Variants in PBX3 observed in about 807,000 individuals in gnomAD.
PBX3 encodes pre-B-cell leukemia transcription factor 3.
PBX3 carries 14 observed loss-of-function variants against 48.5 expected under a neutral mutation model. The ratio of observed to expected loss-of-function variants is 0.29; its 90% CI spans 0.19 to 0.45. The LOEUF (loss-of-function observed/expected upper bound fraction) is 0.45. PBX3 is among the 20% of genes least tolerant of loss of function. The pLI, the probability that PBX3 is intolerant of heterozygous loss-of-function variation, is 1.00. For missense variants in PBX3, 386 were observed against 546.7 expected (o/e 0.71, Z 2.93); for synonymous variants, 210 against 200.3 (o/e 1.05, Z -0.41).
chr9:125,877,296 A>T (rs945662352), intron 2 of PBX3, among the ~76,000 whole-genome samples: 5 of 152,246 alleles, frequency 3.3e-5, no homozygotes. Context: ...GTCTTTTCTC[A>T]TCATAAAATA....
At chr9:125,870,153 C>G (rs554120862) in intron 2 of PBX3, among the ~76,000 whole-genome samples, 2 of 150,906 alleles carry the variant, frequency 1.3e-5, no homozygotes, top group Admixed American at 6.6e-5. Context: ...CCTGCAACCT[C>G]TGTCTCATGG....
intron 2 of PBX3, among the ~76,000 whole-genome samples, chr9:125,864,649 C>G (rs944810668): frequency 6.6e-6 from 1 of 152,128 alleles, no homozygotes; most frequent in Non-Finnish European, 1.5e-5. Flanking sequence ...ATGCACAGAT[C>G]ACAATAGGGT....
chr9:125,847,679 C>A (rs1307799875), intron 2 of PBX3, among the ~76,000 whole-genome samples: 1 of 149,744 alleles, frequency 6.7e-6, no homozygotes, highest in African/African-American at 2.5e-5. Flanking sequence ...TTTCTTTATC[C>A]TTTTCTTTAT....
At chr9:125,833,523 A>T (rs1312807422) in intron 2 of PBX3, among the ~76,000 whole-genome samples, 1 of 152,102 alleles carries the variant, frequency 6.6e-6, no homozygotes. Context: ...CTGAATCCTT[A>T]TAATACCACC....
intron 2 of PBX3, among the ~76,000 whole-genome samples, chr9:125,799,019 A>G (rs1588156807): frequency 6.6e-6 from 1 of 152,180 alleles, no homozygotes; most frequent in Non-Finnish European, 1.5e-5. Context: ...TTGGGTATAT[A>G]TACATTTAGC....
intron 3 of PBX3, among the ~76,000 whole-genome samples, chr9:125,918,071 A>G (rs1050181137): frequency 2.0e-5 from 3 of 152,158 alleles, no homozygotes; most frequent in Admixed American, 6.5e-5. Context: ...TAAAATAACT[A>G]TAACTACTTA....
intron 4 of PBX3, among the ~76,000 whole-genome samples, chr9:125,934,802 C>T (rs1665608637): frequency 6.6e-6 from 1 of 152,050 alleles, no homozygotes; most frequent in Non-Finnish European, 1.5e-5. Context: ...GATCTTGAGT[C>T]TTGTTTTCAT....
chr9:125,918,674 A>G (rs752562607), intron 3 of PBX3, among the ~76,000 whole-genome samples: 24 of 152,202 alleles, frequency 1.6e-4, no homozygotes, highest in Admixed American at 3.9e-4. Flanking sequence ...GATTCAGCAG[A>G]ATTTTAATTT....
intron 2 of PBX3, among the ~76,000 whole-genome samples, chr9:125,754,637 T>C (rs1266251121): frequency 6.6e-6 from 1 of 152,134 alleles, no homozygotes; most frequent in Non-Finnish European, 1.5e-5. Flanking sequence ...CACTTGATTC[T>C]AATTATCCCT....
At chr9:125,814,905 G>A (rs577862963) in intron 2 of PBX3, among the ~76,000 whole-genome samples, 2 of 152,292 alleles carry the variant, frequency 1.3e-5, no homozygotes, top group African/African-American at 4.8e-5. Context: ...GGAATTTGAG[G>A]TTGAAAACAC....
intron 2 of PBX3, among the ~76,000 whole-genome samples, chr9:125,819,373 A>T (rs554547001): frequency 1.3e-5 from 2 of 151,736 alleles, no homozygotes; most frequent in Non-Finnish European, 2.9e-5. Context: ...CTAAAAATAC[A>T]AAATTAGCTG....
chr9:125,757,888 T>G (rs889962330), intron 2 of PBX3, among the ~76,000 whole-genome samples: 2 of 152,224 alleles, frequency 1.3e-5, no homozygotes, highest in African/African-American at 2.4e-5. Flanking sequence ...TCACTTGTTA[T>G]TCAAATAAGT....
chr9:125,872,682 C>T (rs1480888559), intron 2 of PBX3, among the ~76,000 whole-genome samples: 1 of 151,424 alleles, frequency 6.6e-6, no homozygotes, highest in Non-Finnish European at 1.5e-5. Context: ...ATCGCTTGAG[C>T]CCAGGAATTT....
At chr9:125,838,820 G>A (rs1161123637) in intron 2 of PBX3, among the ~76,000 whole-genome samples, 1 of 152,202 alleles carries the variant, frequency 6.6e-6, no homozygotes, top group Non-Finnish European at 1.5e-5. Flanking sequence ...GAAATGTATG[G>A]CACTAATCTG....
At chr9:125,748,649 C>A in intron 2 of PBX3, 26 bp downstream of exon 2, 1 of 1,593,136 alleles carries the variant, frequency 6.3e-7, no homozygotes, top group Non-Finnish European at 8.6e-7. Context: ...CCGCAGTGGG[C>A]CTGGAGACCC....
At chr9:125,951,673 GA>G (rs1445525357) in intron 5 of PBX3, among the ~76,000 whole-genome samples, 1 of 152,200 alleles carries the variant, frequency 6.6e-6, no homozygotes, top group African/African-American at 2.4e-5. Flanking sequence ...ACAGCCCCAT[GA>G]GAAGGAGATA....
intron 2 of PBX3, among the ~76,000 whole-genome samples, chr9:125,855,425 A>G (rs184010309): frequency 7.9e-5 from 12 of 152,244 alleles, no homozygotes; most frequent in Admixed American, 5.9e-4. Context: ...ATATATTCCT[A>G]TAAACTTCTT....
At chr9:125,780,136 G>A (rs1280970822) in intron 2 of PBX3, among the ~76,000 whole-genome samples, 7 of 130,412 alleles carry the variant, frequency 5.4e-5, no homozygotes, top group Non-Finnish European at 8.3e-5. Context: ...CAGTAGGGGC[G>A]GCCGGGCAGA....
intron 2 of PBX3, among the ~76,000 whole-genome samples, chr9:125,906,141 C>T (rs1316791835): frequency 6.6e-6 from 1 of 151,994 alleles, no homozygotes; most frequent in African/African-American, 2.4e-5. Context: ...AGTCAGCACA[C>T]TTTAAAATCA....
Sources: gnomAD v4.1 joint callset for allele counts (sites outside exome capture counted in the v4.1 genomes callset) on GRCh38, gnomAD v4.1.1 for gene constraint, MANE v1.5 for transcripts, NCBI Gene and HGNC (gene_info 2026-07-23, HGNC 2026-07-21) for gene names.